The following SRSF5 variants were observed in gnomAD, a reference collection of about 807,000 sequenced individuals.
SRSF5 encodes serine/arginine-rich splicing factor 5.
Under a neutral mutation model 34.0 loss-of-function variants are expected in SRSF5, and 5 were observed. That is an observed-to-expected ratio of 0.15 (90% CI 0.08 to 0.31). The LOEUF (loss-of-function observed/expected upper bound fraction) is 0.31. Among genes scored for constraint, SRSF5 ranks in the 10% least tolerant of loss-of-function variants. The pLI, the probability that SRSF5 is intolerant of heterozygous loss-of-function variation, is 1.00. For synonymous variants in SRSF5, 164 were observed against 117.7 expected (o/e 1.39, Z -2.55); for missense variants, 223 against 351.4 (o/e 0.63, Z 2.92).
chr14:69,771,306 C>A lies in SRSF5; in HGVS notation c.664C>A (p.Arg222=), dbSNP rs199730353. 4 of 1,613,934 alleles carry A rather than the reference C, an allele frequency of 2.5e-6. No individual in the cohort carries two copies. The highest frequency in any genetic ancestry group is 3.4e-6 in the Non-Finnish European group (4 of 1,179,918). The stretch of plus-strand genomic sequence containing the variant: ...CCGGTCAAGAAGCAGGAGCAGGAGC[C>A]GGAGCCGGAGCAAGTCCCGTTCTGT... The part of the protein sequence containing the change: ...YSRSRSRSRS[R]SRSKSRSVSR... The change falls in exon 8 of 8, where the codon CGG becomes AGG. Residue 222 remains arginine (R), a synonymous_variant. Transcript: ENST00000557154.
intron 6 of SRSF5, chr14:69,770,753 T>A: frequency 3.1e-6 from 2 of 638,508 alleles, no homozygotes; most frequent in Non-Finnish European, 5.4e-6. Context: ...TGGCATGTAG[T>A]CAGTAGGGGC....
intron 1 of SRSF5, chr14:69,767,852 A>C (rs1234743052): frequency 2.6e-6 from 1 of 385,404 alleles, no homozygotes; most frequent in Non-Finnish European, 4.9e-6. Context: ...ACTGCGGCAG[A>C]TGGGAGGGGG....
At chr14:69,770,393 T>G (rs909168537) in intron 5 of SRSF5, 74 bp from the exon 6 acceptor site, 2 of 1,560,564 alleles carry the variant, frequency 1.3e-6, no homozygotes, top group African/African-American at 1.4e-5. Context: ...AGTAGTCTTG[T>G]TTTTTTTATA....
intron 1 of SRSF5, chr14:69,767,596 C>T (rs1257005385): frequency 2.2e-6 from 1 of 454,290 alleles, no homozygotes; most frequent in East Asian, 7.0e-5. Context: ...CCGCAGTGAC[C>T]CCCGAGAAGG....
chr14:69,767,870 G>A (rs1042545413), intron 1 of SRSF5: 5 of 416,622 alleles, frequency 1.2e-5, no homozygotes, highest in Non-Finnish European at 2.2e-5. Flanking sequence ...GGGCCGGAGA[G>A]CCCGGAGAGT....
At position 69,771,956 on chromosome 14, in the gene SRSF5, GAC is replaced by G. The variant is rs1491480275; in HGVS notation, c.*499_*500del. On this transcript the variant is annotated 3_prime_UTR_variant, in exon 8 of 8. Transcript: ENST00000557154. ...TCCACTCTTTAACAGCTGCTGGACA[GAC>G]ACATTAGAGCAGCTGTTTGTTATTG... is the stretch of plus-strand genomic sequence containing the variant. The G allele has an allele frequency of 6.4e-6, 1 of 156,064 alleles. No homozygotes were observed. The highest frequency in any genetic ancestry group is 2.4e-5 in the African/African-American group (1 of 41,442). 9.7% of individuals were successfully genotyped at this position (156,064 alleles called of 1,614,324 possible). A position where few individuals can be genotyped will look rare whatever the true frequency, so the allele number is the denominator to read the frequency against.
At chr14:69,770,972 A>C (rs1482377178) in intron 6 of SRSF5, 23 bp from the exon 7 acceptor site, 2 of 1,599,328 alleles carry the variant, frequency 1.3e-6, no homozygotes, top group Non-Finnish European at 8.5e-7. Context: ...ATATACTTTA[A>C]AAGTGGCTGT....
intron 7 of SRSF5, 22 bp downstream of exon 7, chr14:69,771,127 C>T: frequency 6.2e-7 from 1 of 1,612,608 alleles, no homozygotes; most frequent in Non-Finnish European, 8.5e-7. Context: ...TTTTTAAAGT[C>T]AAAAGTTGTA....
In SRSF5 at chr14:69,770,936, G is replaced by C. The variant is rs74061423; in HGVS notation, c.441-59G>C. 1,495 of 1,419,868 alleles carry C rather than the reference G, an allele frequency of 1.1e-3. 10 individuals are homozygous for C. The African/African-American group carries it at 0.019, about 18-fold the overall frequency. The allele number at this position is 1,419,868 out of a possible 1,614,324, so 88.0% of individuals were successfully genotyped here. Reference sequence around the variant, plus strand: ...AGAAACGACTTACCTAGACTGCTGTGTGCAATGTGTGAGACTACAGGATGT... The same window carrying C: ...AGAAACGACTTACCTAGACTGCTGTCTGCAATGTGTGAGACTACAGGATGT... On this transcript the variant is annotated intron_variant, in intron 6 of 7. Transcript: ENST00000557154.
intron 1 of SRSF5, chr14:69,767,566 C>G (rs1215547415): frequency 4.4e-6 from 2 of 455,788 alleles, no homozygotes; most frequent in Non-Finnish European, 4.4e-6. Context: ...GGCGATGCGG[C>G]TGGGCCTTTT....
intron 6 of SRSF5, 131 bp from the exon 7 acceptor site, chr14:69,770,864 G>A: frequency 1.2e-6 from 1 of 846,956 alleles, no homozygotes; most frequent in Non-Finnish European, 1.8e-6. Context: ...TTAATGCTGT[G>A]TTATCCAGAA....
At chr14:69,769,095 A>T (rs1367901859) in intron 4 of SRSF5, 87 bp from the exon 5 acceptor site, 2 of 1,485,070 alleles carry the variant, frequency 1.3e-6, no homozygotes, top group African/African-American at 2.8e-5. Flanking sequence ...ATGGCTTGTG[A>T]TATCTGATGG....
At chr14:69,770,739 C>T (rs1291209983) in intron 6 of SRSF5, 199 bp downstream of exon 6, 2 of 642,974 alleles carry the variant, frequency 3.1e-6, no homozygotes, top group Admixed American at 3.0e-5. Context: ...AGAGAGGATG[C>T]TGTTGGCATG....
In SRSF5 at chr14:69,768,609, T is replaced by C. The variant is rs1158962392; in HGVS notation, c.132T>C (p.Phe44=). Reference sequence around the variant, plus strand: ...GTCTTATGCTTACATTTTAGGAATTTGAGGATCCAAGGGATGCAGATGATG... The same window carrying C: ...GTCTTATGCTTACATTTTAGGAATTCGAGGATCCAAGGGATGCAGATGATG... ...DLKRGFGFVE[F]EDPRDADDAV... is the part of the protein sequence containing the mutation. Residue 44 remains phenylalanine (F), a synonymous_variant, in exon 3 of 8, where the codon TTT becomes TTC. Coordinates refer to ENST00000557154, the MANE Select transcript of SRSF5 (RefSeq NM_001320214.2). The C allele has an allele frequency of 1.2e-6, 2 of 1,614,056 alleles. No individual in the cohort carries two copies. The highest frequency in any genetic ancestry group is 2.7e-5 in the African/African-American group (2 of 74,938).
chr14:69,769,533 T>A, intron 5 of SRSF5: 2 of 1,535,514 alleles, frequency 1.3e-6, no homozygotes, highest in South Asian at 1.2e-5. Flanking sequence ...GTTGGCCTTA[T>A]GACGAGGAGT....
At chr14:69,767,631 A>T (rs1882648799) in intron 1 of SRSF5, 1 of 433,934 alleles carries the variant, frequency 2.3e-6, no homozygotes, top group Non-Finnish European at 4.6e-6. Context: ...AGAAGGGAAG[A>T]GGGAATTTGG....
intron 5 of SRSF5, chr14:69,769,777 C>T (rs1243498908): frequency 7.4e-6 from 10 of 1,354,022 alleles, no homozygotes; most frequent in African/African-American, 4.4e-5. Context: ...ATAAGAGGTC[C>T]GGTCGAAAAG....
At chr14:69,768,027 T>A in intron 1 of SRSF5, 111 bp from the exon 2 acceptor site, 1 of 1,260,768 alleles carries the variant, frequency 7.9e-7, no homozygotes, top group Non-Finnish European at 1.1e-6. Flanking sequence ...GCAATCTCGT[T>A]CATAACATCA....
rs2139701083 is a variant in SRSF5 at position 69,771,736 on chromosome 14, T to C, written c.*275T>C. 2 of 319,776 alleles carry C rather than the reference T, an allele frequency of 6.3e-6. No homozygotes were observed. The highest frequency in any genetic ancestry group is 4.5e-5 in the Admixed American group (1 of 22,228). The allele number at this position is 319,776 out of a possible 1,614,324, so 19.8% of individuals were successfully genotyped here. On this transcript the variant is annotated 3_prime_UTR_variant, in exon 8 of 8. Transcript: ENST00000557154. The stretch of plus-strand genomic sequence containing the variant: ...TGTGTATATTGACAGAGCTCTTTTA[T>C]AACTAAAGCAAATTTAATTTTTTTG...
Sources: gnomAD v4.1 joint callset for allele counts on GRCh38, gnomAD v4.1.1 for gene constraint, MANE v1.5 for transcripts, NCBI Gene and HGNC (gene_info 2026-07-23, HGNC 2026-07-21) for gene names.